NQO2: variants seen among roughly 807,000 people sequenced by gnomAD.
NQO2 encodes N-ribosyldihydronicotinamide:quinone dehydrogenase 2, also known as ribosyldihydronicotinamide dehydrogenase [quinone].
NQO2 carries 18 observed loss-of-function variants against 22.0 expected under a neutral mutation model. The ratio of observed to expected loss-of-function variants is 0.82; its 90% confidence interval spans 0.56 to 1.21. The LOEUF (loss-of-function observed/expected upper bound fraction) is 1.21. Among genes scored for constraint, NQO2 ranks in the 50% most tolerant of loss-of-function variants. The pLI is 0.00. For missense variants in NQO2, 267 were observed against 286.9 expected (o/e 0.93, Z 0.50); for synonymous variants, 106 against 110.8 (o/e 0.96, Z 0.28).
chr6:3,012,320 G>A (rs577447568), intron 3 of NQO2: 1 of 876,914 alleles, frequency 1.1e-6, no homozygotes, highest in South Asian at 5.2e-5. Context: ...GAAAGGTGAT[G>A]TGTGTAGAGC....
In NQO2 at chr6:3,010,168, G is replaced by T; in HGVS notation, c.151G>T (p.Ala51Ser). The change falls in exon 3 of 7, where the codon GCC becomes TCC. Residue 51 changes from alanine (A) to serine (S), a missense_variant. Transcript: ENST00000380455. ...GTATGCCATGAACCTTGAGCCGAGG[G>T]CCACAGACAAAGATATCACTGGTGA... is the stretch of plus-strand genomic sequence containing the variant. Reference protein sequence around the residue: ...DLYAMNLEPRATDKDITGTLS... With the variant: ...DLYAMNLEPRSTDKDITGTLS... 6.2e-7 allele frequency: 1 copy of T among 1,611,676 alleles called. No individual in the cohort carries two copies. The highest frequency in any genetic ancestry group is 8.5e-7 in the Non-Finnish European group (1 of 1,178,828).
rs139847526 is a variant in NQO2, at chr6:3,007,049, C to A, written c.7+490C>A. The stretch of plus-strand genomic sequence containing the variant: ...TCACCTAACGATATAACATGGAGAG[C>A]CTTTCGTGTTAGAACGCACAGGTTC... On this transcript the variant is annotated intron_variant, in intron 2 of 6. Coordinates refer to ENST00000380455, the MANE Select transcript of NQO2 (RefSeq NM_000904.6). 1.3e-5 allele frequency: 5 copies of A among 394,906 alleles called. No individual in the cohort carries two copies. In the East Asian group the frequency reaches 1.8e-4, roughly 14 times the overall value. The allele number at this position is 394,906 out of a possible 1,614,324, so 24.5% of individuals were successfully genotyped here.
At chr6:3,016,648 G>A (rs1757337373) in intron 5 of NQO2, 4 of 647,070 alleles carry the variant, frequency 6.2e-6, no homozygotes, top group African/African-American at 6.0e-5. Flanking sequence ...GTTTCCACCA[G>A]CAACCTGGGC....
intron 1 of NQO2, chr6:3,005,959 C>A: frequency 3.7e-6 from 1 of 271,396 alleles, no homozygotes. Flanking sequence ...TCCGCTGCAT[C>A]CCTGGAGAAT....
Position 3,006,658 on chromosome 6 carries a change from C to A in NQO2, c.7+99C>A, listed in dbSNP as rs1029288718. The A allele has an allele frequency of 2.9e-5, 36 of 1,258,334 alleles. No homozygotes were observed. Among genetic ancestry groups the A allele is most frequent in the Non-Finnish European group, 2.6e-5 (24 of 929,814 alleles). 77.9% of individuals were successfully genotyped at this position (1,258,334 alleles called of 1,614,324 possible). ...CTCAAACTCCTGAGCTCAAGTGACC[C>A]TCCCACATTGACCTTCCAGGTGGGA... On this transcript the variant is annotated intron_variant, in intron 2 of 6. Transcript: ENST00000380455. This position sits in a 1 kb window ranked among gnomAD's most constrained non-coding sequence, Gnocchi z 4.0.
chr6:3,013,448 C>G (rs137924129), intron 4 of NQO2, among the ~76,000 whole-genome samples: 1 of 152,156 alleles, frequency 6.6e-6, no homozygotes, highest in Admixed American at 6.5e-5. Context: ...CTGAGACATT[C>G]TGGGGCTGCT....
intron 5 of NQO2, 39 bp from the exon 6 acceptor site, chr6:3,016,845 C>G (rs747824891): frequency 6.2e-7 from 1 of 1,608,366 alleles, no homozygotes; most frequent in South Asian, 1.1e-5. Flanking sequence ...CTGTCCTCTT[C>G]TGGAGTCCAC....
At chr6:3,002,855 G>A (rs1053810533) in intron 1 of NQO2, among the ~76,000 whole-genome samples, 3 of 151,878 alleles carry the variant, frequency 2.0e-5, no homozygotes, top group Non-Finnish European at 4.4e-5. Flanking sequence ...CTGGAGTGGA[G>A]CAATCCTCTA....
intron 1 of NQO2, among the ~76,000 whole-genome samples, chr6:3,001,212 C>T (rs1756701637): frequency 6.6e-6 from 1 of 151,862 alleles, no homozygotes. Context: ...GCCTCAGTCT[C>T]CCGAGTAGCT....
intron 1 of NQO2, among the ~76,000 whole-genome samples, chr6:3,001,446 C>G (rs1004509766): frequency 2.0e-5 from 3 of 152,210 alleles, no homozygotes; most frequent in South Asian, 2.1e-4. Context: ...CCTTTAATCT[C>G]CGAAGATCAC....
intron 4 of NQO2, chr6:3,015,020 G>A: frequency 6.5e-6 from 7 of 1,081,700 alleles, no homozygotes; most frequent in Non-Finnish European, 8.8e-6. Context: ...CGGTAACACT[G>A]GATGTAATGT....
chr6:3,015,714 G>A, intron 5 of NQO2, 71 bp downstream of exon 5: 1 of 1,413,374 alleles, frequency 7.1e-7, no homozygotes, highest in Non-Finnish European at 9.9e-7. Flanking sequence ...CTTCTATCAA[G>A]TTATATTTCT....
rs1756962673 is a variant in NQO2 at position 3,006,733 on chromosome 6, C to T, written c.7+174C>T. On this transcript the variant is annotated intron_variant, in intron 2 of 6. Coordinates refer to ENST00000380455, the MANE Select transcript of NQO2 (RefSeq NM_000904.6). This position sits in a 1 kb window ranked among gnomAD's most constrained non-coding sequence, Gnocchi z 4.0. ...ATACATTGTTGTAAAAAATCCAAGC[C>T]ACGTGGAAGTGTATAAACTATCTGG... is the stretch of plus-strand genomic sequence containing the variant. The T allele has an allele frequency of 5.0e-6, 3 of 599,820 alleles. No individual in the cohort carries two copies. The highest frequency in any genetic ancestry group is 5.7e-6 in the Non-Finnish European group (2 of 352,160). The allele number at this position is 599,820 out of a possible 1,614,324, so 37.2% of individuals were successfully genotyped here. A position where few individuals can be genotyped will look rare whatever the true frequency, so the allele number is the denominator to read the frequency against.
chr6:3,015,046 A>G, intron 4 of NQO2: 1 of 1,238,496 alleles, frequency 8.1e-7, no homozygotes, highest in South Asian at 1.3e-5. Context: ...CATCTATGGG[A>G]TAGGGAGATC....
chr6:3,019,074 TGTTA>T, intron 6 of NQO2, among the ~76,000 whole-genome samples: 1 of 152,222 alleles, frequency 6.6e-6, no homozygotes, highest in South Asian at 2.1e-4. Context: ...AAAATTTGTT[TGTTA>T]TTTTCATTTA....
At position 3,010,108 on chromosome 6, in the gene NQO2, A is replaced by G. The variant is rs574404616; in HGVS notation, c.91A>G (p.Ser31Gly). The G allele has an allele frequency of 1.8e-5, 29 of 1,614,066 alleles. No homozygotes were observed. The East Asian group carries it at 4.2e-4, about 24-fold the overall frequency. The change falls in exon 3 of 7, where the codon AGC becomes GGC. Residue 31 changes from serine to glycine, a missense_variant. Transcript: ENST00000380455. ...SLKNVAVDEL[S>G]RQGCTVTVSD... Reference sequence around the variant, plus strand: ...GAAGAATGTGGCTGTAGATGAACTGAGCAGGCAGGGCTGCACCGTCACAGT... The same window carrying G: ...GAAGAATGTGGCTGTAGATGAACTGGGCAGGCAGGGCTGCACCGTCACAGT...
chr6:3,001,695 A>G lies in NQO2; in HGVS notation c.-86+1610A>G, dbSNP rs189388925. The stretch of plus-strand genomic sequence containing the variant: ...TGTCCACATGGAAAGAGGCACAGGA[A>G]AAAAAGTGAAAACATTATAAAATAA... On this transcript the variant is annotated intron_variant, in intron 1 of 6. Coordinates refer to ENST00000380455, the MANE Select transcript of NQO2 (RefSeq NM_000904.6). Among the ~76,000 whole-genome samples, 60 of 152,336 alleles carry G rather than the reference A, an allele frequency of 3.9e-4. 1 individual carries two copies. The highest frequency in any genetic ancestry group is 3.5e-3 in the Admixed American group (53 of 15,302).
At chr6:3,005,640 G>A in intron 1 of NQO2, 6 of 985,340 alleles carry the variant, frequency 6.1e-6, no homozygotes, top group Non-Finnish European at 7.2e-6. Context: ...GGTAGGGAGA[G>A]TGGGTTTGTT....
intron 1 of NQO2, chr6:3,004,609 C>T (rs2113434048): frequency 1.0e-6 from 1 of 985,538 alleles, no homozygotes; most frequent in Non-Finnish European, 1.2e-6. Flanking sequence ...GGAGTGGGCC[C>T]TGGAAGATGC....
Sources: gnomAD v4.1 joint callset for allele counts (sites outside exome capture counted in the v4.1 genomes callset) on GRCh38, gnomAD v4.1.1 for gene constraint, Gnocchi (gnomAD v3.1) non-coding constraint, MANE v1.5 for transcripts, NCBI Gene and HGNC (gene_info 2026-07-23, HGNC 2026-07-21) for gene names.